Variants in DOP1B observed in about 807,000 individuals in gnomAD.
DOP1B encodes the protein protein DOP1B.
Under a neutral mutation model 233.5 loss-of-function variants are expected in DOP1B, and 174 were observed. The ratio of observed to expected loss-of-function variants is 0.75; its 90% CI spans 0.66 to 0.85. The LOEUF (loss-of-function observed/expected upper bound fraction) is 0.85. Ranked by LOEUF, DOP1B falls within the 40% of genes least tolerant of loss-of-function variation. DOP1B has a pLI of 0.00. For synonymous variants in DOP1B, 1,190 were observed against 1,185.6 expected (o/e 1.00, Z -0.08); for missense variants, 2,652 against 2,846.6 (o/e 0.93, Z 1.56).
chr21:36,225,573 A>C lies in DOP1B; in HGVS notation c.1379A>C (p.Lys460Thr). ...RCFEECFRPV[K>T]QRYSVRNSVS... ...TTTGCTGTGATTTATAGACCAGTGA[A>C]GCAGCGTTACAGCGTGAGGAACAGC... The change falls in exon 12 of 37, where the codon AAG (lysine) becomes ACG (threonine). Residue 460 changes from lysine to threonine, a missense_variant. Transcript: ENST00000691173. 1 of 1,614,108 alleles carries C rather than the reference A, an allele frequency of 6.2e-7. No homozygotes were observed. The highest frequency in any genetic ancestry group is 1.1e-5 in the South Asian group (1 of 91,076).
At chr21:36,229,919 TC>T (rs1177200768) in intron 13 of DOP1B, among the ~76,000 whole-genome samples, 1 of 152,126 alleles carries the variant, frequency 6.6e-6, no homozygotes, top group Non-Finnish European at 1.5e-5. Context: ...CACCTCATCC[TC>T]CCAAAGTGCT....
rs769592672 is a variant in DOP1B, at chr21:36,287,992, C to T, written c.6161-22C>T. On this transcript the variant is annotated intron_variant, in intron 32 of 36. Transcript: ENST00000691173. ...CCTAAACTGCATATTTGTGTAACAT[C>T]TTTACAATCTTCTTTCCTTAGAACG... 9 of 1,607,238 alleles carry T rather than the reference C, an allele frequency of 5.6e-6. No homozygotes were observed. The Admixed American group carries it at 1.4e-4, about 25-fold the overall frequency.
chr21:36,292,121 T>C lies in DOP1B; in HGVS notation c.6533T>C (p.Ile2178Thr). 3.1e-6 allele frequency: 5 copies of C among 1,607,112 alleles called. No individual in the cohort carries two copies. Among genetic ancestry groups the C allele is most frequent in the Non-Finnish European group, 3.4e-6 (4 of 1,178,050 alleles). Reference protein sequence around the residue: ...PLFQIYRWAFIPEVDTEGPAF... With the variant: ...PLFQIYRWAFTPEVDTEGPAF... ...CCCTGCAGTTATAGGTGGGCATTTATTCCAGAAGTGGACACAGAGGGCCCT... is the reference window on the plus strand; with the variant it reads ...CCCTGCAGTTATAGGTGGGCATTTACTCCAGAAGTGGACACAGAGGGCCCT... Residue 2178 changes from isoleucine (I) to threonine (T), a missense_variant, in exon 36 of 37, where the codon ATT (isoleucine) becomes ACT (threonine). Ile to Thr is a moderately conservative substitution (Grantham distance 89). Transcript: ENST00000691173.
Position 36,200,419 on chromosome 21 carries a change from C to T in DOP1B, c.409C>T (p.Gln137Ter), listed in dbSNP as rs1382187232. The T allele has an allele frequency of 1.2e-6, 2 of 1,613,604 alleles. No individual in the cohort carries two copies. Among genetic ancestry groups the T allele is most frequent in the Non-Finnish European group, 1.7e-6 (2 of 1,180,024 alleles). ...TLYEKYFLPL[Q>*]KLLLPSLQAF... ...GTACGAGAAGTACTTCCTCCCACTG[C>T]AGAAGCTGCTCCTGCCCAGTCTGCA... Residue 137 changes from glutamine to a stop codon, truncating the protein, a stop_gained, in exon 4 of 37, where the codon CAG (glutamine) becomes TAG (stop). Coordinates refer to ENST00000691173, the MANE Select transcript of DOP1B (RefSeq NM_001320714.2). LOFTEE classifies it high-confidence loss of function.
intron 2 of DOP1B, among the ~76,000 whole-genome samples, chr21:36,174,844 T>G (rs78929415): frequency 0.066 from 10,109 of 152,236 alleles, 1,121 homozygotes; most frequent in African/African-American, 0.23. Flanking sequence ...TCCTCTTCCC[T>G]GTTGACTAGT....
At chr21:36,183,130 G>C (rs2066120258) in intron 2 of DOP1B, among the ~76,000 whole-genome samples, 1 of 152,098 alleles carries the variant, frequency 6.6e-6, no homozygotes. Flanking sequence ...CAATCCTCTC[G>C]CCTTCGCCTC....
chr21:36,275,764 C>T (rs2067342889), intron 27 of DOP1B, among the ~76,000 whole-genome samples: 1 of 152,122 alleles, frequency 6.6e-6, no homozygotes, highest in African/African-American at 2.4e-5. Flanking sequence ...TGCTCTGGAA[C>T]ATTTAGCTAC....
intron 9 of DOP1B, among the ~76,000 whole-genome samples, chr21:36,217,667 G>C (rs920539536): frequency 6.6e-6 from 1 of 152,154 alleles, no homozygotes; most frequent in Non-Finnish European, 1.5e-5. Flanking sequence ...CCCATGATGT[G>C]CTGCCTCAGG....
At chr21:36,253,648 A>C (rs1172736762) in intron 22 of DOP1B, 124 bp from the exon 23 acceptor site, 11 of 1,205,836 alleles carry the variant, frequency 9.1e-6, no homozygotes, top group African/African-American at 1.5e-5. Flanking sequence ...AAAAAAAAAA[A>C]AAAAGAGATG....
rs541401404 is a variant in DOP1B at position 36,200,322 on chromosome 21, T to A, written c.321-9T>A. 1.5e-5 allele frequency: 23 copies of A among 1,580,050 alleles called. 2 individuals are homozygous for A. The South Asian group carries it at 2.6e-4, about 18-fold the overall frequency. ...TTTCTGCCCCGCTCCCTCTCGTTCT[T>A]TCTCGAAGCTGCGGGTTATTTCCTC... On this transcript the variant is annotated splice_polypyrimidine_tract_variant and intron_variant, in intron 3 of 36. Coordinates refer to ENST00000691173, the MANE Select transcript of DOP1B (RefSeq NM_001320714.2).
rs1422853739 is a variant in DOP1B, at chr21:36,214,124, C to G, written c.948C>G (p.Ile316Met). Residue 316 changes from isoleucine to methionine, a missense_variant, in exon 8 of 37, where the codon ATC becomes ATG. By Grantham distance (10) the Ile-to-Met change is conservative. This residue lies in a region of DOP1B where 2,617 missense variants were observed against 2,794.3 expected (regional missense o/e 0.94). Transcript: ENST00000691173. ...ATACCGTTGTGCCAGAATCTGAAAT[C>G]TCAAATTCTTATGAAGACCAGTCGT... ...KGNTVVPESE[I>M]SNSYEDQSSY... is the part of the protein sequence containing the mutation. 1 of 1,613,942 alleles carries G rather than the reference C, an allele frequency of 6.2e-7. No homozygotes were observed. The highest frequency in any genetic ancestry group is 1.1e-5 in the South Asian group (1 of 91,016).
intron 5 of DOP1B, 149 bp from the exon 6 acceptor site, chr21:36,211,404 C>G: frequency 1.5e-6 from 1 of 676,304 alleles, no homozygotes; most frequent in Non-Finnish European, 2.5e-6. Context: ...GCCTCGAGAG[C>G]TAGAACCCAC....
chr21:36,185,720 A>C (rs1251302604), intron 2 of DOP1B, among the ~76,000 whole-genome samples: 1 of 152,228 alleles, frequency 6.6e-6, no homozygotes, highest in Non-Finnish European at 1.5e-5. Context: ...ACTGTACAGC[A>C]TCACAGCTAC....
intron 1 of DOP1B, among the ~76,000 whole-genome samples, chr21:36,158,717 C>G (rs757395168): frequency 3.3e-5 from 5 of 150,338 alleles, no homozygotes; most frequent in Non-Finnish European, 5.9e-5. Context: ...GCAGGAGAAT[C>G]ACTTCAATCT....
Position 36,259,341 on chromosome 21 carries a change from G to T in DOP1B, c.5260-1336G>T, listed in dbSNP as rs558053850. On this transcript the variant is annotated intron_variant, in intron 23 of 36. Transcript: ENST00000691173. ...CCTAGAGTGCAGTGGCGTGATCTTG[G>T]TTCACTGCAACCTCTGCCTCCTGGG... Among the ~76,000 whole-genome samples, 11 of 151,172 alleles carry T rather than the reference G, an allele frequency of 7.3e-5. No individual in the cohort carries two copies. In the South Asian group the frequency reaches 2.1e-3, roughly 29 times the overall value.
chr21:36,271,222 T>G (rs2067284199), intron 27 of DOP1B, among the ~76,000 whole-genome samples: 1 of 150,534 alleles, frequency 6.6e-6, no homozygotes, highest in South Asian at 2.1e-4. Flanking sequence ...TTGTTTTTGT[T>G]TTTTTGAGAC....
intron 1 of DOP1B, among the ~76,000 whole-genome samples, chr21:36,160,643 A>G (rs370565721): frequency 6.6e-6 from 1 of 151,946 alleles, no homozygotes; most frequent in East Asian, 1.9e-4. Flanking sequence ...ACACCTGGCT[A>G]ATTTTTGTAT....
intron 30 of DOP1B, 47 bp from the exon 31 acceptor site, chr21:36,280,233 CAAACT>C: frequency 1.5e-6 from 2 of 1,302,806 alleles, no homozygotes; most frequent in Non-Finnish European, 2.2e-6. Context: ...TGTTTTGAAT[CAAACT>C]ATCATCCACT....
intron 30 of DOP1B, among the ~76,000 whole-genome samples, chr21:36,278,845 G>A (rs946949531): frequency 5.3e-5 from 8 of 152,162 alleles, no homozygotes; most frequent in African/African-American, 1.7e-4. Context: ...CTCCAGCCTG[G>A]GCAACAAGAG....
Sources: gnomAD v4.1 joint callset for allele counts (sites outside exome capture counted in the v4.1 genomes callset) on GRCh38, gnomAD v4.1.1 for gene constraint, gnomAD v4.1.1 regional missense constraint, MANE v1.5 for transcripts, NCBI Gene and HGNC (gene_info 2026-07-23, HGNC 2026-07-21) for gene names.